The following GPHN variants were observed in gnomAD, a reference collection of about 807,000 sequenced individuals.
GPHN encodes gephyrin.
A neutral mutation model predicts 95.5 loss-of-function variants in GPHN; 17 were observed. The observed-to-expected ratio is 0.18, with a 90% CI of 0.12 to 0.27. The LOEUF is 0.27. Among genes scored for constraint, GPHN ranks in the 10% least tolerant of loss-of-function variants. The pLI is 1.00. For synonymous variants in GPHN, 320 were observed against 322.5 expected, an observed-to-expected ratio of 0.99 and a Z score of 0.08; for missense variants, 660 against 978.1, an observed-to-expected ratio of 0.67 and a Z score of 4.34.
chr14:66,741,862 A>G (rs561510291), intron 2 of GPHN, among the ~76,000 whole-genome samples: 150 of 152,282 alleles, frequency 9.9e-4, no homozygotes, highest in African/African-American at 3.0e-3. Context: ...GTATTGTCCA[A>G]TTGATTCATG....
chr14:66,756,789 G>A (rs1398993661), intron 2 of GPHN, among the ~76,000 whole-genome samples: 2 of 152,106 alleles, frequency 1.3e-5, no homozygotes, highest in African/African-American at 2.4e-5. Flanking sequence ...CATGTGCTGA[G>A]AATAGTAGTC....
At chr14:67,205,069 A>G in the GPHN span, 3 of 1,550,816 alleles carry the variant, frequency 1.9e-6, no homozygotes, top group Non-Finnish European at 2.6e-6. Flanking sequence ...TGACTTAATC[A>G]GGGCCAAGCA....
the GPHN span, chr14:67,569,930 C>T: frequency 3.7e-6 from 6 of 1,607,174 alleles, no homozygotes; most frequent in South Asian, 1.1e-5. Context: ...GCTTCAAGCC[C>T]TCCTGCCCTT....
chr14:67,234,314 C>T, the GPHN span, among the ~76,000 whole-genome samples: 1 of 152,078 alleles, frequency 6.6e-6, no homozygotes, highest in East Asian at 1.9e-4. Flanking sequence ...TAAGAGCCAG[C>T]AAAGGGTTCT....
intron 3 of GPHN, among the ~76,000 whole-genome samples, chr14:66,803,294 C>T (rs369342851): frequency 4.5e-4 from 69 of 152,314 alleles, no homozygotes; most frequent in Middle Eastern, 3.4e-3. Flanking sequence ...TCCACTGCCA[C>T]GGGATAGGAC....
chr14:67,089,293 T>C lies in GPHN; in HGVS notation c.1237+218T>C, dbSNP rs78272493. 0.051 allele frequency among the ~76,000 whole-genome samples: 7,810 copies of C among 152,014 alleles called. 218 individuals are homozygous for C. Among genetic ancestry groups the C allele is most frequent in the Middle Eastern group, 0.068 (20 of 294 alleles). ...TCTGGCACAATCTTGATTAAAACTT[T>C]TGAGGTAAAGAAAAGTTACATGAAA... On this transcript the variant is annotated intron_variant, in intron 12 of 22. Coordinates refer to ENST00000478722, the MANE Select transcript of GPHN (RefSeq NM_020806.5).
intron 1 of GPHN, among the ~76,000 whole-genome samples, chr14:66,553,525 C>A (rs2059898960): frequency 6.6e-6 from 1 of 152,024 alleles, no homozygotes; most frequent in African/African-American, 2.4e-5. Flanking sequence ...TTCACTTTTC[C>A]TGCCAACGTC....
At chr14:67,080,220 G>GA (rs1298569353) in intron 11 of GPHN, among the ~76,000 whole-genome samples, 1 of 151,786 alleles carries the variant, frequency 6.6e-6, no homozygotes, top group Non-Finnish European at 1.5e-5. Flanking sequence ...GCATCTTTGG[G>GA]AAAATGTGTA....
intron 4 of GPHN, among the ~76,000 whole-genome samples, chr14:66,854,626 T>C (rs914214164): frequency 2.0e-5 from 3 of 152,190 alleles, no homozygotes; most frequent in African/African-American, 7.2e-5. Context: ...TCTCAACATA[T>C]ACCATTAACA....
chr14:67,319,140 A>G, the GPHN span, among the ~76,000 whole-genome samples: 3 of 152,174 alleles, frequency 2.0e-5, no homozygotes, highest in Non-Finnish European at 2.9e-5. Context: ...GCTGGAATTT[A>G]AACAAGTGTA....
At chr14:66,730,266 T>C (rs2071646588) in intron 2 of GPHN, among the ~76,000 whole-genome samples, 2 of 152,216 alleles carry the variant, frequency 1.3e-5, no homozygotes, top group Non-Finnish European at 2.9e-5. Context: ...CCATGTGGGT[T>C]CTTCCTTTTG....
the GPHN span, among the ~76,000 whole-genome samples, chr14:67,280,458 G>T: frequency 1.3e-5 from 2 of 152,192 alleles, no homozygotes; most frequent in East Asian, 3.8e-4. Context: ...TGTTTAGCCT[G>T]TACTAAGTGT....
At chr14:67,716,801 T>C in the GPHN span, among the ~76,000 whole-genome samples, 2 of 151,868 alleles carry the variant, frequency 1.3e-5, no homozygotes, top group Admixed American at 1.3e-4. Context: ...GGAGAATTGC[T>C]TGGGCCCGGG....
At chr14:67,010,402 A>G (rs1338031022) in intron 9 of GPHN, among the ~76,000 whole-genome samples, 6 of 151,648 alleles carry the variant, frequency 4.0e-5, no homozygotes, top group Admixed American at 6.6e-5. Context: ...AATACAAAAA[A>G]TTAGCCAGGT....
chr14:66,601,454 T>C (rs892373337), intron 1 of GPHN, among the ~76,000 whole-genome samples: 5 of 151,984 alleles, frequency 3.3e-5, no homozygotes, highest in Admixed American at 2.6e-4. Flanking sequence ...ATGATTCTAG[T>C]CTTTTGGGAA....
At chr14:67,266,430 A>G in the GPHN span, among the ~76,000 whole-genome samples, 1 of 152,114 alleles carries the variant, frequency 6.6e-6, no homozygotes, top group Non-Finnish European at 1.5e-5. Context: ...GGTTCAAGGA[A>G]TTCTCATGCC....
chr14:66,735,790 A>G (rs553174893), intron 2 of GPHN, among the ~76,000 whole-genome samples: 2 of 152,156 alleles, frequency 1.3e-5, no homozygotes, highest in Non-Finnish European at 2.9e-5. Context: ...CTCTAGAAGA[A>G]ATTTATGTTT....
At chr14:67,678,958 T>C in the GPHN span, among the ~76,000 whole-genome samples, 1 of 152,018 alleles carries the variant, frequency 6.6e-6, no homozygotes, top group Non-Finnish European at 1.5e-5. Context: ...AGAAAAGAAA[T>C]GGTAAAACCA....
At chr14:66,944,931 T>C (rs2067654312) in intron 8 of GPHN, among the ~76,000 whole-genome samples, 1 of 152,242 alleles carries the variant, frequency 6.6e-6, no homozygotes, top group Non-Finnish European at 1.5e-5. Context: ...TGGTCCATCT[T>C]GCGCATGCCT....
Sources: allele counts gnomAD v4.1 joint callset (sites outside exome capture counted in the v4.1 genomes callset), GRCh38; gene constraint gnomAD v4.1.1; transcripts MANE v1.5; gene names NCBI Gene and HGNC (gene_info 2026-07-23, HGNC 2026-07-21).